NR3C2: variants seen among roughly 807,000 people sequenced by gnomAD.
NR3C2 encodes the protein nuclear receptor subfamily 3 group C member 2, also known as mineralocorticoid receptor.
In NR3C2, 15 loss-of-function variants were observed where a neutral mutation model predicts 86.4. That is an observed-to-expected ratio of 0.17 (90% CI 0.12 to 0.27). The LOEUF is 0.27. Ranked by LOEUF, NR3C2 falls within the 10% of genes least tolerant of loss-of-function variation. NR3C2 has a pLI of 1.00. For synonymous variants in NR3C2, 458 were observed against 450.5 expected (o/e 1.02, Z -0.21); for missense variants, 960 against 1,195.6 (o/e 0.80, Z 2.91).
chr4:148,207,640 C>A (rs1200217474), intron 3 of NR3C2, among the ~76,000 whole-genome samples: 1 of 152,114 alleles, frequency 6.6e-6, no homozygotes, highest in East Asian at 1.9e-4. Flanking sequence ...GAACACTGAA[C>A]AAGCCATTTA....
chr4:148,250,958 G>T (rs76379982), intron 3 of NR3C2, among the ~76,000 whole-genome samples: 1 of 151,478 alleles, frequency 6.6e-6, no homozygotes, highest in Non-Finnish European at 1.5e-5. Flanking sequence ...CTTTTTTTTG[G>T]GGGGGAGTGG....
intron 8 of NR3C2, among the ~76,000 whole-genome samples, chr4:148,108,622 A>G (rs938405984): frequency 6.6e-6 from 1 of 152,168 alleles, no homozygotes; most frequent in Non-Finnish European, 1.5e-5. Context: ...CAGCAATGGG[A>G]TCCTCAGAGG....
upstream of NR3C2, chr4:148,444,119 G>A (rs1022388256): frequency 2.0e-6 from 2 of 985,432 alleles, no homozygotes; most frequent in Middle Eastern, 5.2e-4. Flanking sequence ...GCAGAGCGCG[G>A]GCGGCGGGCG....
intron 6 of NR3C2, among the ~76,000 whole-genome samples, chr4:148,142,510 G>A (rs555708124): frequency 2.6e-5 from 4 of 152,088 alleles, no homozygotes; most frequent in East Asian, 1.9e-4. Context: ...CCCCACCCCC[G>A]AAAGGGCCTC....
chr4:148,173,860 G>A lies in NR3C2; in HGVS notation c.2015-18959C>T, dbSNP rs114398474. Among the ~76,000 whole-genome samples the A allele has an allele frequency of 7.5e-3, 1,137 of 152,256 alleles. 21 individuals carry two copies. The highest frequency in any genetic ancestry group is 0.025 in the African/African-American group (1,045 of 41,546). On this transcript the variant is annotated intron_variant, in intron 4 of 8. Coordinates refer to ENST00000358102, the MANE Select transcript of NR3C2 (RefSeq NM_000901.5). Reference sequence around the variant, plus strand: ...AGCACTGAAGCGAAGGAGCGTGGGCGGGAGGAGCCCCCGACTGTGTGGAGA... The same window carrying A: ...AGCACTGAAGCGAAGGAGCGTGGGCAGGAGGAGCCCCCGACTGTGTGGAGA...
intron 6 of NR3C2, among the ~76,000 whole-genome samples, chr4:148,147,064 A>C (rs1443926626): frequency 1.3e-5 from 2 of 152,270 alleles, no homozygotes; most frequent in African/African-American, 4.8e-5. Context: ...GGTAAAATTG[A>C]ATAATTAATC....
Position 148,294,392 on chromosome 4 carries a change from C to T in NR3C2, c.1758-34275G>A, listed in dbSNP as rs183819257. The stretch of plus-strand genomic sequence containing the variant: ...TATTTTTAATAAAATTCAGGTGATT[C>T]CATTTATATTAGACATTATTATATT... On this transcript the variant is annotated intron_variant, in intron 2 of 8. Transcript: ENST00000358102. 3.1e-3 allele frequency among the ~76,000 whole-genome samples: 464 copies of T among 151,978 alleles called. 1 individual carries two copies. Among genetic ancestry groups the T allele is most frequent in the Middle Eastern group, 6.8e-3 (2 of 294 alleles).
At chr4:148,186,672 C>A (rs1290338958) in intron 4 of NR3C2, among the ~76,000 whole-genome samples, 1 of 151,774 alleles carries the variant, frequency 6.6e-6, no homozygotes, top group Non-Finnish European at 1.5e-5. Context: ...TGAATAAGTT[C>A]TTTAGTGGTG....
At chr4:148,340,969 A>T (rs1414855937) in intron 2 of NR3C2, among the ~76,000 whole-genome samples, 1 of 152,150 alleles carries the variant, frequency 6.6e-6, no homozygotes. Context: ...ACAAAAAAAA[A>T]TAACAGTTGC....
chr4:148,158,524 C>T (rs2149772251), intron 4 of NR3C2, among the ~76,000 whole-genome samples: 1 of 152,234 alleles, frequency 6.6e-6, no homozygotes, highest in African/African-American at 2.4e-5. Flanking sequence ...TCCATTCTTC[C>T]CCCATAATTT....
intron 8 of NR3C2, among the ~76,000 whole-genome samples, chr4:148,108,216 A>C (rs1731891144): frequency 1.3e-5 from 2 of 151,558 alleles, no homozygotes; most frequent in Admixed American, 6.6e-5. Flanking sequence ...CAATCTTCTC[A>C]CCTCAGCCTC....
chr4:148,170,744 A>C lies in NR3C2; in HGVS notation c.2015-15843T>G, dbSNP rs934962715. ...AATATGTTTTAAATATGTTTATTTA[A>C]AACTTACATTTAGTTTCCTAGACGC... On this transcript the variant is annotated intron_variant, in intron 4 of 8. Coordinates refer to ENST00000358102, the MANE Select transcript of NR3C2 (RefSeq NM_000901.5). Among the ~76,000 whole-genome samples, 13 of 152,234 alleles carry C rather than the reference A, an allele frequency of 8.5e-5. No homozygotes were observed. In the East Asian group the frequency reaches 1.7e-3, roughly 20 times the overall value.
chr4:148,136,056 C>CAAAAAAAAAAAAAAAAAAA (rs199716496), intron 6 of NR3C2, among the ~76,000 whole-genome samples: 25 of 71,118 alleles, frequency 3.5e-4, no homozygotes, highest in African/African-American at 5.3e-4. Flanking sequence ...GACTCCGTCT[C>CAAAAAAAAAAAAAAAAAAA]AAAAAAAAAA....
intron 8 of NR3C2, among the ~76,000 whole-genome samples, chr4:148,094,891 A>T (rs572615229): frequency 1.2e-4 from 17 of 141,184 alleles, no homozygotes; most frequent in East Asian, 5.9e-4. Flanking sequence ...ATTCTGATAC[A>T]TGCTACAGCA....
intron 2 of NR3C2, among the ~76,000 whole-genome samples, chr4:148,268,187 C>T (rs888277199): frequency 8.5e-5 from 13 of 152,142 alleles, no homozygotes; most frequent in Non-Finnish European, 1.6e-4. Flanking sequence ...GATCCACCTG[C>T]CTTGGCCTCC....
chr4:148,155,397 T>C (rs1168705731), intron 4 of NR3C2, among the ~76,000 whole-genome samples: 1 of 152,184 alleles, frequency 6.6e-6, no homozygotes, highest in Non-Finnish European at 1.5e-5. Flanking sequence ...TTTAAGCTGA[T>C]AAGCAACTTC....
chr4:148,362,029 G>C (rs1209179581), intron 2 of NR3C2, among the ~76,000 whole-genome samples: 1 of 152,096 alleles, frequency 6.6e-6, no homozygotes, highest in Admixed American at 6.5e-5. Context: ...GTAGACATGG[G>C]GGTTCACCAT....
rs114131070 is a variant in NR3C2, at chr4:148,191,170, T to C, written c.2014+3576A>G. Among the ~76,000 whole-genome samples, 540 of 152,304 alleles carry C rather than the reference T, an allele frequency of 3.5e-3. 3 individuals are homozygous for C. The highest frequency in any genetic ancestry group is 5.5e-3 in the Non-Finnish European group (372 of 68,016). Reference sequence around the variant, plus strand: ...CTCCTTTTAGCAGTTCTTTTAGTGATAGCTTGGTGGTGGCAAATTCTCTCA... The same window carrying C: ...CTCCTTTTAGCAGTTCTTTTAGTGACAGCTTGGTGGTGGCAAATTCTCTCA... On this transcript the variant is annotated intron_variant, in intron 4 of 8. Transcript: ENST00000358102.
chr4:148,316,300 T>C (rs980993351), intron 2 of NR3C2, among the ~76,000 whole-genome samples: 16 of 152,172 alleles, frequency 1.1e-4, no homozygotes, highest in African/African-American at 3.4e-4. Context: ...TGTTTATGCT[T>C]TCATTTTATA....
Sources: gnomAD v4.1 joint callset for allele counts (sites outside exome capture counted in the v4.1 genomes callset) on GRCh38, gnomAD v4.1.1 for gene constraint, MANE v1.5 for transcripts, NCBI Gene and HGNC (gene_info 2026-07-23, HGNC 2026-07-21) for gene names.